Variants in CFDP1 observed in about 807,000 individuals in gnomAD.
The protein encoded by CFDP1 is heterochromatin-stabilizing protein CFDP1.
Under a neutral mutation model 40.1 loss-of-function variants are expected in CFDP1, and 31 were observed. That is an observed-to-expected ratio of 0.77 (90% confidence interval 0.58 to 1.04). The LOEUF (loss-of-function observed/expected upper bound fraction) is 1.04, where lower values mean the gene tolerates loss of function less well. Ranked by LOEUF, CFDP1 falls within the 50% of genes least tolerant of loss-of-function variation. CFDP1 has a pLI of 0.00. For missense variants in CFDP1, 423 were observed against 343.4 expected (o/e 1.23, Z -1.83); for synonymous variants, 167 against 120.0 (o/e 1.39, Z -2.56).
chr16:75,427,124 C>A lies in CFDP1; in HGVS notation c.64+6165G>T, dbSNP rs71386233. ...TATATAATTCCAAAACTGAAAACAA[C>A]CCAATGTTTTAAATGGACAAAGAAT... On this transcript the variant is annotated intron_variant, in intron 1 of 6. Coordinates refer to ENST00000283882, the MANE Select transcript of CFDP1 (RefSeq NM_006324.3). 3.7e-3 allele frequency among the ~76,000 whole-genome samples: 560 copies of A among 150,988 alleles called. 2 individuals carry two copies. The highest frequency in any genetic ancestry group is 5.3e-3 in the Non-Finnish European group (361 of 67,842).
intron 4 of CFDP1, among the ~76,000 whole-genome samples, chr16:75,400,310 G>C (rs2079040037): frequency 6.6e-6 from 1 of 151,680 alleles, no homozygotes; most frequent in Non-Finnish European, 1.5e-5. Flanking sequence ...CAAAAAAGAA[G>C]GTAGAAAGCA....
At chr16:75,307,171 T>C (rs1597321305) in intron 5 of CFDP1, among the ~76,000 whole-genome samples, 1 of 152,268 alleles carries the variant, frequency 6.6e-6, no homozygotes, top group East Asian at 1.9e-4. Flanking sequence ...AAGCTTAGCA[T>C]GTCTTTCTGC....
At chr16:75,409,341 T>C in intron 4 of CFDP1, 1 of 152,242 alleles carries the variant, frequency 6.6e-6, no homozygotes, top group East Asian at 1.9e-4. Flanking sequence ...CACCTGTCGA[T>C]AGAGGTTAAA....
At chr16:75,332,758 T>G (rs1004013471) in intron 5 of CFDP1, among the ~76,000 whole-genome samples, 1 of 151,242 alleles carries the variant, frequency 6.6e-6, no homozygotes, top group Non-Finnish European at 1.5e-5. Flanking sequence ...AGATATATAT[T>G]TTACAATTTT....
At chr16:75,373,236 T>G (rs1156663983) in intron 5 of CFDP1, among the ~76,000 whole-genome samples, 2 of 152,218 alleles carry the variant, frequency 1.3e-5, no homozygotes, top group Admixed American at 1.3e-4. Flanking sequence ...TGGTGACCCA[T>G]TTCAACACTT....
At chr16:75,419,105 TA>T in intron 1 of CFDP1, 2 of 376,798 alleles carry the variant, frequency 5.3e-6, no homozygotes, top group East Asian at 7.9e-5. Context: ...CGCCGACTCA[TA>T]AAAAATAAAT....
intron 5 of CFDP1, among the ~76,000 whole-genome samples, chr16:75,382,507 G>C (rs1186683580): frequency 6.6e-6 from 1 of 152,218 alleles, no homozygotes; most frequent in African/African-American, 2.4e-5. Flanking sequence ...CAATAGGAAA[G>C]CTGGTTTCAC....
At chr16:75,319,748 C>T (rs947933785) in intron 5 of CFDP1, among the ~76,000 whole-genome samples, 1 of 152,154 alleles carries the variant, frequency 6.6e-6, no homozygotes, top group East Asian at 1.9e-4. Context: ...CAGCGTTCCC[C>T]CTGTGGTGCC....
At chr16:75,321,382 T>A (rs995462337) in intron 5 of CFDP1, among the ~76,000 whole-genome samples, 12 of 152,200 alleles carry the variant, frequency 7.9e-5, no homozygotes, top group African/African-American at 2.9e-4. Flanking sequence ...AATCTCATTT[T>A]AGAAAATTGC....
intron 5 of CFDP1, among the ~76,000 whole-genome samples, chr16:75,314,880 T>TCCC (rs1232162401): frequency 6.6e-6 from 1 of 152,108 alleles, no homozygotes; most frequent in African/African-American, 2.4e-5. Flanking sequence ...GCCTCCCACA[T>TCCC]AGCTGGGATT....
At position 75,362,404 on chromosome 16, in the gene CFDP1, G is replaced by A. The variant is rs73619610; in HGVS notation, c.650+32686C>T. On this transcript the variant is annotated intron_variant, in intron 5 of 6. Coordinates refer to ENST00000283882, the MANE Select transcript of CFDP1 (RefSeq NM_006324.3). ...TTCTCCTTTGAGGAGTCAACCTCCC[G>A]TCTTCCAGGCAAGGCATCCCTATGT... Among the ~76,000 whole-genome samples, 11 of 152,310 alleles carry A rather than the reference G, an allele frequency of 7.2e-5. No individual in the cohort carries two copies. In the South Asian group the frequency reaches 1.9e-3, roughly 26 times the overall value.
At chr16:75,369,003 T>C (rs760627738) in intron 5 of CFDP1, among the ~76,000 whole-genome samples, 16 of 152,186 alleles carry the variant, frequency 1.1e-4, no homozygotes, top group Admixed American at 2.6e-4. Flanking sequence ...TTCCAATACT[T>C]GCACAAACAT....
At chr16:75,426,571 G>A (rs2079345016) in intron 1 of CFDP1, among the ~76,000 whole-genome samples, 1 of 152,060 alleles carries the variant, frequency 6.6e-6, no homozygotes, top group South Asian at 2.1e-4. Flanking sequence ...AGTTACTACA[G>A]AGGCTGAGGC....
intron 6 of CFDP1, chr16:75,301,811 G>A (rs951585937): frequency 6.6e-6 from 1 of 152,148 alleles, no homozygotes; most frequent in African/African-American, 2.4e-5. Flanking sequence ...CCTGAACTTT[G>A]GAAAATGTCA....
At chr16:75,338,571 A>G (rs2078506097) in intron 5 of CFDP1, among the ~76,000 whole-genome samples, 1 of 152,186 alleles carries the variant, frequency 6.6e-6, no homozygotes, top group Admixed American at 6.5e-5. Flanking sequence ...ACCTGCGTCT[A>G]GTGATGTCAC....
chr16:75,403,913 T>C (rs1055876119), intron 4 of CFDP1, among the ~76,000 whole-genome samples: 1 of 151,874 alleles, frequency 6.6e-6, no homozygotes, highest in Non-Finnish European at 1.5e-5. Flanking sequence ...GGGCGTATCA[T>C]TTGAGGTCAG....
rs373386141 is a variant in CFDP1 at position 75,363,224 on chromosome 16, A to C, written c.650+31866T>G. Among the ~76,000 whole-genome samples, 19 of 152,122 alleles carry C rather than the reference A, an allele frequency of 1.2e-4. 3 individuals carry two copies. Among genetic ancestry groups the C allele is most frequent in the Admixed American group, 5.9e-4 (9 of 15,268 alleles). ...ATGTAACAACCAAAGAATGACAAAGAAATCTTTGAAATAGTAAAAAGACTT... is the reference window on the plus strand; with the variant it reads ...ATGTAACAACCAAAGAATGACAAAGCAATCTTTGAAATAGTAAAAAGACTT... On this transcript the variant is annotated intron_variant, in intron 5 of 6. Transcript: ENST00000283882.
At chr16:75,377,142 C>G (rs2078805901) in intron 5 of CFDP1, among the ~76,000 whole-genome samples, 1 of 152,188 alleles carries the variant, frequency 6.6e-6, no homozygotes, top group African/African-American at 2.4e-5. Flanking sequence ...TGGCTGTGCC[C>G]TGTATCAGTT....
intron 5 of CFDP1, among the ~76,000 whole-genome samples, chr16:75,328,045 G>C (rs1455413130): frequency 6.6e-6 from 1 of 151,478 alleles, no homozygotes; most frequent in Non-Finnish European, 1.5e-5. Flanking sequence ...AAATTATAAT[G>C]TAATAGAACT....
Sources: gnomAD v4.1 joint callset for allele counts (sites outside exome capture counted in the v4.1 genomes callset) on GRCh38, gnomAD v4.1.1 for gene constraint, MANE v1.5 for transcripts, NCBI Gene and HGNC (gene_info 2026-07-23, HGNC 2026-07-21) for gene names.